TRPM3: variants seen among roughly 807,000 people sequenced by gnomAD.
TRPM3 encodes the protein long transient receptor potential channel 3.
Under a neutral mutation model 181.2 loss-of-function variants are expected in TRPM3, and 77 were observed. The ratio of observed to expected loss-of-function variants is 0.42; its 90% confidence interval spans 0.35 to 0.51. The LOEUF is 0.51. TRPM3 is among the 20% of genes least tolerant of loss of function. The pLI, the probability that TRPM3 is intolerant of heterozygous loss-of-function variation, is 0.01. For synonymous variants in TRPM3, 745 were observed against 796.4 expected (o/e 0.94, Z 1.09); for missense variants, 1,759 against 2,196.7 (o/e 0.80, Z 3.98).
At chr9:70,917,646 C>A (rs2096614330) in intron 1 of TRPM3, 2 of 427,204 alleles carry the variant, frequency 4.7e-6, no homozygotes, top group African/African-American at 2.1e-5. Flanking sequence ...AGAGTAAATA[C>A]ACAAAAATAA....
chr9:70,594,375 T>C (rs2058646056), intron 21 of TRPM3, among the ~76,000 whole-genome samples: 1 of 152,194 alleles, frequency 6.6e-6, no homozygotes, highest in African/African-American at 2.4e-5. Context: ...CCTTGATTAG[T>C]CTCTTATTCA....
intron 1 of TRPM3, among the ~76,000 whole-genome samples, chr9:71,147,079 T>C (rs2075450903): frequency 6.6e-6 from 1 of 152,148 alleles, no homozygotes; most frequent in African/African-American, 2.4e-5. Context: ...ATCTAACTTG[T>C]CCAAAAGCAG....
At chr9:71,214,286 T>G (rs1342031471) in intron 1 of TRPM3, among the ~76,000 whole-genome samples, 8 of 150,938 alleles carry the variant, frequency 5.3e-5, no homozygotes, top group Non-Finnish European at 4.4e-5. Flanking sequence ...GTTTAATATA[T>G]CAGAATGTCT....
intron 1 of TRPM3, among the ~76,000 whole-genome samples, chr9:70,933,154 G>C (rs1022784509): frequency 5.3e-5 from 8 of 152,066 alleles, no homozygotes; most frequent in Non-Finnish European, 8.8e-5. Context: ...ATTCAGTCTG[G>C]GTTTGCAACG....
chr9:70,917,279 A>G, intron 1 of TRPM3: 1 of 1,448,338 alleles, frequency 6.9e-7, no homozygotes, highest in East Asian at 2.3e-5. Context: ...AGCATAGTCA[A>G]TTAGGAAGCG....
intron 12 of TRPM3, among the ~76,000 whole-genome samples, chr9:70,626,190 T>TAA (rs1234282675): frequency 6.6e-6 from 1 of 152,230 alleles, no homozygotes; most frequent in Non-Finnish European, 1.5e-5. Flanking sequence ...TTTCTACTTC[T>TAA]AAAGTTTAGG....
At chr9:70,882,980 C>A (rs957687359) in intron 1 of TRPM3, among the ~76,000 whole-genome samples, 4 of 152,084 alleles carry the variant, frequency 2.6e-5, no homozygotes, top group South Asian at 4.2e-4. Flanking sequence ...GAAACATTTC[C>A]AAAAACAACA....
chr9:71,372,618 T>C (rs1231545761), intron 1 of TRPM3, among the ~76,000 whole-genome samples: 1 of 152,188 alleles, frequency 6.6e-6, no homozygotes, highest in African/African-American at 2.4e-5. Flanking sequence ...TGTTGAGCTT[T>C]TTACCATATG....
At chr9:70,592,796 T>A (rs1197388477) in intron 21 of TRPM3, among the ~76,000 whole-genome samples, 2 of 152,182 alleles carry the variant, frequency 1.3e-5, no homozygotes, top group African/African-American at 4.8e-5. Context: ...AGTGGAGCGA[T>A]CTCGGCTCAC....
chr9:70,972,482 G>A (rs568261116), intron 1 of TRPM3, among the ~76,000 whole-genome samples: 27 of 152,266 alleles, frequency 1.8e-4, no homozygotes, highest in African/African-American at 6.5e-4. Context: ...GAGCGGAAAT[G>A]GGGAATGACT....
chr9:71,026,504 T>C (rs2056526555), intron 1 of TRPM3, among the ~76,000 whole-genome samples: 1 of 152,172 alleles, frequency 6.6e-6, no homozygotes, highest in Non-Finnish European at 1.5e-5. Context: ...CACATTGTTT[T>C]CCTGGCAGCC....
At chr9:70,671,509 A>G (rs1331898294) in intron 9 of TRPM3, among the ~76,000 whole-genome samples, 1 of 149,948 alleles carries the variant, frequency 6.7e-6, no homozygotes, top group Non-Finnish European at 1.5e-5. Flanking sequence ...CAAAACCATT[A>G]AAATTAAAAA....
chr9:70,823,970 G>A (rs2093378035), intron 6 of TRPM3, among the ~76,000 whole-genome samples: 1 of 152,230 alleles, frequency 6.6e-6, no homozygotes, highest in Non-Finnish European at 1.5e-5. Flanking sequence ...TGCAATGGGA[G>A]AGGAGGGACA....
At chr9:71,156,229 A>G (rs1368284778) in intron 1 of TRPM3, among the ~76,000 whole-genome samples, 1 of 151,818 alleles carries the variant, frequency 6.6e-6, no homozygotes, top group Non-Finnish European at 1.5e-5. Flanking sequence ...TGGTCAGATT[A>G]TTTTCCTGGT....
chr9:71,113,618 T>G (rs1332935412), intron 1 of TRPM3, among the ~76,000 whole-genome samples: 3 of 152,234 alleles, frequency 2.0e-5, no homozygotes, highest in Non-Finnish European at 4.4e-5. Flanking sequence ...CGACTACACA[T>G]TTTTGGTATC....
intron 1 of TRPM3, among the ~76,000 whole-genome samples, chr9:70,964,609 G>C (rs1419007537): frequency 1.3e-5 from 2 of 152,064 alleles, no homozygotes; most frequent in African/African-American, 4.8e-5. Flanking sequence ...ATTTCCAGTT[G>C]TATTCTGAGC....
At chr9:71,346,915 C>T (rs1277539731) in intron 1 of TRPM3, among the ~76,000 whole-genome samples, 2 of 152,144 alleles carry the variant, frequency 1.3e-5, no homozygotes, top group Non-Finnish European at 2.9e-5. Flanking sequence ...AGTCAGGATA[C>T]AACATTGCTC....
chr9:71,263,589 A>T (rs1565398335), intron 1 of TRPM3, among the ~76,000 whole-genome samples: 1 of 152,078 alleles, frequency 6.6e-6, no homozygotes, highest in African/African-American at 2.4e-5. Flanking sequence ...ATTTCATCTT[A>T]TTTACTTTCA....
intron 1 of TRPM3, chr9:70,869,109 A>C: frequency 2.1e-6 from 2 of 962,784 alleles, no homozygotes; most frequent in Non-Finnish European, 2.5e-6. Context: ...ACTGGAAAAA[A>C]AAAGTCACTT....
Sources: allele counts gnomAD v4.1 joint callset (sites outside exome capture counted in the v4.1 genomes callset), GRCh38; gene constraint gnomAD v4.1.1; transcripts MANE v1.5; gene names NCBI Gene and HGNC (gene_info 2026-07-23, HGNC 2026-07-21).